Variants in STAC observed in about 807,000 individuals in gnomAD.
STAC encodes the protein SH3 and cysteine rich domain.
A neutral mutation model predicts 48.8 loss-of-function variants in STAC; 43 were observed. That is an observed-to-expected ratio of 0.88 (90% CI 0.69 to 1.14). The LOEUF (loss-of-function observed/expected upper bound fraction) is 1.14. Among genes scored for constraint, STAC ranks in the 50% most tolerant of loss-of-function variants. The probability of loss-of-function intolerance (pLI) is 0.00; values close to 1 mark genes in which losing one functional copy is unlikely to be tolerated. For missense variants in STAC, 497 were observed against 504.0 expected (o/e 0.99, Z 0.13); for synonymous variants, 193 against 179.5 (o/e 1.07, Z -0.60).
chr3:36,380,843 C>T (rs777743050), intron 1 of STAC, 89 bp downstream of exon 1: 3 of 1,044,960 alleles, frequency 2.9e-6, no homozygotes, highest in Non-Finnish European at 1.4e-6. Flanking sequence ...CTAGCACGGG[C>T]GTGGGGGTCT....
chr3:36,464,893 C>T (rs61504110), intron 2 of STAC, among the ~76,000 whole-genome samples: 4,777 of 151,944 alleles, frequency 0.031, 228 homozygotes, highest in African/African-American at 0.11. Flanking sequence ...GCTGGTCCCA[C>T]ATTTTTGCAG....
At chr3:36,518,382 A>C (rs963545436) in intron 8 of STAC, among the ~76,000 whole-genome samples, 7 of 152,160 alleles carry the variant, frequency 4.6e-5, no homozygotes, top group African/African-American at 1.7e-4. Context: ...CTCCTCAAAC[A>C]GATTTATATG....
At chr3:36,425,964 A>C (rs1049380181) in intron 1 of STAC, among the ~76,000 whole-genome samples, 6 of 152,190 alleles carry the variant, frequency 3.9e-5, no homozygotes, top group African/African-American at 1.4e-4. Flanking sequence ...CCGGTGGGGC[A>C]GAGGTTGCAG....
At chr3:36,500,862 T>A (rs1449043869) in intron 6 of STAC, among the ~76,000 whole-genome samples, 2 of 152,116 alleles carry the variant, frequency 1.3e-5, no homozygotes, top group East Asian at 3.9e-4. Flanking sequence ...AGGCCAAGGT[T>A]GGAGGACCAT....
intron 1 of STAC, among the ~76,000 whole-genome samples, chr3:36,423,516 A>G (rs1156717603): frequency 6.6e-6 from 1 of 151,808 alleles, no homozygotes; most frequent in East Asian, 1.9e-4. Context: ...AGAAAAATAT[A>G]CATTGTATAT....
At chr3:36,425,844 T>C (rs978272648) in intron 1 of STAC, among the ~76,000 whole-genome samples, 2 of 152,116 alleles carry the variant, frequency 1.3e-5, no homozygotes, top group African/African-American at 2.4e-5. Context: ...CTGGGCAACA[T>C]GGTGAGACCC....
intron 10 of STAC, among the ~76,000 whole-genome samples, chr3:36,544,053 A>C (rs1699388614): frequency 6.6e-6 from 1 of 152,130 alleles, no homozygotes; most frequent in Non-Finnish European, 1.5e-5. Context: ...GACACGTAGA[A>C]GTAGGTGAGA....
Position 36,449,040 on chromosome 3 carries a change from GCC to G in STAC, c.388+5402_388+5403del, listed in dbSNP as rs149010848. On this transcript the variant is annotated intron_variant, in intron 2 of 10. Transcript: ENST00000273183. ...AGGCTAAGGCAGAAGGATCACTTGA[GCC>G]CAGGAGTTCGAGGCTACGATGAGCT... Among the ~76,000 whole-genome samples, 791 of 152,112 alleles carry G rather than the reference GCC, an allele frequency of 5.2e-3. 9 individuals are homozygous for G. Among genetic ancestry groups the G allele is most frequent in the African/African-American group, 0.018 (752 of 41,498 alleles).
intron 2 of STAC, among the ~76,000 whole-genome samples, chr3:36,465,166 A>G (rs550011113): frequency 3.4e-4 from 52 of 152,296 alleles, no homozygotes; most frequent in African/African-American, 1.3e-3. Context: ...TGCAGGAGTG[A>G]GGTGGTATCA....
At chr3:36,403,300 A>T (rs547164581) in intron 1 of STAC, among the ~76,000 whole-genome samples, 2 of 152,328 alleles carry the variant, frequency 1.3e-5, no homozygotes, top group African/African-American at 4.8e-5. Context: ...CTCCCAATAC[A>T]TAGAACAAAC....
chr3:36,539,561 T>C (rs1699275204), intron 10 of STAC, among the ~76,000 whole-genome samples: 2 of 152,222 alleles, frequency 1.3e-5, no homozygotes, highest in East Asian at 3.8e-4. Context: ...GGCTGCTTAG[T>C]ATTCCATGGT....
rs1696408632 is a variant in STAC, at chr3:36,443,289, C to T, written c.112-75C>T. The T allele has an allele frequency of 1.9e-6, 3 of 1,546,980 alleles. No individual in the cohort carries two copies. The highest frequency in any genetic ancestry group is 2.2e-4 in the Middle Eastern group (1 of 4,498). On this transcript the variant is annotated intron_variant, in intron 1 of 10. Coordinates refer to ENST00000273183, the MANE Select transcript of STAC (RefSeq NM_003149.3). The surrounding 1 kb of genome is among the most constrained non-coding windows in gnomAD (Gnocchi z 4.2). ...AGTGGGGACTGTGTAGTGCACACAG[C>T]AGACCTTACCCCCACAGCCTAGGTC... is the stretch of plus-strand genomic sequence containing the variant.
chr3:36,403,125 G>A (rs1023127479), intron 1 of STAC, among the ~76,000 whole-genome samples: 1 of 152,082 alleles, frequency 6.6e-6, no homozygotes, highest in Non-Finnish European at 1.5e-5. Context: ...TTTTAAAAAG[G>A]TACAATCAAT....
At chr3:36,410,388 C>A (rs1005687891) in intron 1 of STAC, among the ~76,000 whole-genome samples, 1 of 152,152 alleles carries the variant, frequency 6.6e-6, no homozygotes, top group Non-Finnish European at 1.5e-5. Context: ...AGACTCTGTG[C>A]TAAGAGCTTT....
chr3:36,410,789 G>T (rs1227162946), intron 1 of STAC, among the ~76,000 whole-genome samples: 1 of 152,158 alleles, frequency 6.6e-6, no homozygotes, highest in East Asian at 1.9e-4. Context: ...ATTCCTGATT[G>T]ATCTTTGTCT....
rs757907874 is a variant in STAC, at chr3:36,493,185, A to G, written c.722A>G (p.Asn241Ser). ...SDLVEVPEEA[N>S]GPGGGYDLRK... ...CTTGTGGAGGTTCCTGAGGAAGCCA[A>G]TGGGCCAGGAGGCGGGTATGACCTA... Residue 241 changes from asparagine (N) to serine (S), a missense_variant, in exon 6 of 11, where the codon AAT (asparagine) becomes AGT (serine). Coordinates refer to ENST00000273183, the MANE Select transcript of STAC (RefSeq NM_003149.3). 3.1e-6 allele frequency: 5 copies of G among 1,613,524 alleles called. No homozygotes were observed. Among genetic ancestry groups the G allele is most frequent in the South Asian group, 1.1e-5 (1 of 91,074 alleles).
At chr3:36,483,884 G>A (rs1697726449) in intron 3 of STAC, among the ~76,000 whole-genome samples, 1 of 152,200 alleles carries the variant, frequency 6.6e-6, no homozygotes, top group East Asian at 1.9e-4. Flanking sequence ...CCAGAAGGCA[G>A]AGGTTTCAGT....
chr3:36,499,775 T>C (rs1698238275), intron 6 of STAC, among the ~76,000 whole-genome samples: 1 of 151,986 alleles, frequency 6.6e-6, no homozygotes, highest in Non-Finnish European at 1.5e-5. Context: ...TTTTTTTAAC[T>C]TTCTGCAGGG....
At chr3:36,433,792 C>T (rs779092968) in intron 1 of STAC, among the ~76,000 whole-genome samples, 1 of 152,200 alleles carries the variant, frequency 6.6e-6, no homozygotes, top group Non-Finnish European at 1.5e-5. Context: ...TTGCCCAAGA[C>T]CACACATTTC....
Sources: allele counts gnomAD v4.1 joint callset (sites outside exome capture counted in the v4.1 genomes callset), GRCh38; gene constraint gnomAD v4.1.1; non-coding constraint Gnocchi (gnomAD v3.1); transcripts MANE v1.5; gene names NCBI Gene and HGNC (gene_info 2026-07-23, HGNC 2026-07-21).